SIRPG: variants seen among roughly 807,000 people sequenced by gnomAD.
The protein encoded by SIRPG is signal-regulatory protein gamma.
A neutral mutation model predicts 35.7 loss-of-function variants in SIRPG; 38 were observed. The observed-to-expected ratio is 1.06, with a 90% CI of 0.82 to 1.40. The LOEUF (loss-of-function observed/expected upper bound fraction) is 1.40, where lower values mean the gene tolerates loss of function less well. Among genes scored for constraint, SIRPG ranks in the 40% most tolerant of loss-of-function variants. SIRPG has a pLI of 0.00. For missense variants in SIRPG, 519 were observed against 483.0 expected (o/e 1.07, Z -0.70); for synonymous variants, 215 against 190.4 (o/e 1.13, Z -1.06).
intron 2 of SIRPG, among the ~76,000 whole-genome samples, chr20:1,644,222 C>T (rs1600213287): frequency 6.6e-6 from 1 of 152,204 alleles, no homozygotes; most frequent in Non-Finnish European, 1.5e-5. Context: ...CCCCTAGGGG[C>T]TCAGGCCCAG....
At position 1,649,361 on chromosome 20, in the gene SIRPG, G is replaced by A. The variant is rs1005532892; in HGVS notation, c.121C>T (p.Leu41=). Reference sequence around the variant, plus strand: ...GCTGTCTTTCCAACTGTGACCAACAGGAGCTTCTCAGGCTGAATCATCTGT... The same window carrying A: ...GCTGTCTTTCCAACTGTGACCAACAAGAGCTTCTCAGGCTGAATCATCTGT... ...ELQMIQPEKL[L]LVTVGKTATL... Residue 41 remains leucine, a synonymous_variant, in exon 2 of 6, where the codon CTG becomes TTG. Transcript: ENST00000303415. 1.2e-6 allele frequency: 2 copies of A among 1,613,686 alleles called. No homozygotes were observed. Among genetic ancestry groups the A allele is most frequent in the African/African-American group, 2.7e-5 (2 of 74,916 alleles).
chr20:1,632,048 G>T (rs973977554), intron 4 of SIRPG, among the ~76,000 whole-genome samples: 1 of 152,134 alleles, frequency 6.6e-6, no homozygotes, highest in Non-Finnish European at 1.5e-5. Flanking sequence ...GAATCACAGA[G>T]GAGGATGAAT....
intron 4 of SIRPG, among the ~76,000 whole-genome samples, chr20:1,634,836 G>A (rs1247551898): frequency 5.9e-5 from 9 of 151,830 alleles, no homozygotes; most frequent in Non-Finnish European, 1.0e-4. Context: ...GAGGTCAGGA[G>A]ATCGAGACCA....
chr20:1,674,831 C>A, the SIRPG span, among the ~76,000 whole-genome samples: 1 of 152,122 alleles, frequency 6.6e-6, no homozygotes, highest in Non-Finnish European at 1.5e-5. Context: ...AAATCCTATC[C>A]CCTCTCCTAA....
chr20:1,642,574 G>C (rs943967620), intron 2 of SIRPG, among the ~76,000 whole-genome samples: 19 of 152,218 alleles, frequency 1.2e-4, no homozygotes, highest in African/African-American at 4.3e-4. Flanking sequence ...TTACATTTAA[G>C]CTTAATATTG....
chr20:1,668,699 T>C, the SIRPG span, among the ~76,000 whole-genome samples: 2 of 152,204 alleles, frequency 1.3e-5, no homozygotes, highest in African/African-American at 4.8e-5. Context: ...ATATACCCAA[T>C]TTAGATGATA....
the SIRPG span, among the ~76,000 whole-genome samples, chr20:1,667,856 A>T: frequency 6.6e-6 from 1 of 152,196 alleles, no homozygotes; most frequent in Non-Finnish European, 1.5e-5. Flanking sequence ...GGAAGTCCCT[A>T]CTATAGATAG....
chr20:1,654,890 C>T (rs2091965641), intron 1 of SIRPG, among the ~76,000 whole-genome samples: 1 of 152,124 alleles, frequency 6.6e-6, no homozygotes, highest in South Asian at 2.1e-4. Flanking sequence ...AGACATTTCT[C>T]AGAAGAAGAC....
the SIRPG span, among the ~76,000 whole-genome samples, chr20:1,684,690 T>TAACATGGC: frequency 1.3e-5 from 2 of 152,200 alleles, no homozygotes; most frequent in African/African-American, 4.8e-5. Flanking sequence ...ACAAGTAGCA[T>TAACATGGC]AACATGGCTA....
At chr20:1,668,494 G>A in the SIRPG span, among the ~76,000 whole-genome samples, 2 of 151,978 alleles carry the variant, frequency 1.3e-5, no homozygotes, top group Non-Finnish European at 2.9e-5. Flanking sequence ...ATGTTGGCCA[G>A]GCTGGTCTCA....
At chr20:1,671,931 A>G in the SIRPG span, among the ~76,000 whole-genome samples, 1 of 152,184 alleles carries the variant, frequency 6.6e-6, no homozygotes, top group Non-Finnish European at 1.5e-5. Context: ...AGTGGGCATC[A>G]TGGCCATCAC....
intron 2 of SIRPG, chr20:1,646,071 A>G (rs2091895268): frequency 6.6e-6 from 1 of 152,208 alleles, no homozygotes; most frequent in African/African-American, 2.4e-5. Context: ...AGAAGAGGAA[A>G]CTGAGGCTGG....
the SIRPG span, among the ~76,000 whole-genome samples, chr20:1,672,209 G>T: frequency 6.6e-6 from 1 of 152,100 alleles, no homozygotes; most frequent in Non-Finnish European, 1.5e-5. Flanking sequence ...GGCCCTGTTT[G>T]CTTTGGATCA....
At chr20:1,630,010 C>T (rs2091735837) in intron 5 of SIRPG, among the ~76,000 whole-genome samples, 1 of 152,202 alleles carries the variant, frequency 6.6e-6, no homozygotes, top group Admixed American at 6.5e-5. Context: ...CTGTGGACAT[C>T]TTTGAACACA....
At chr20:1,686,113 T>C in the SIRPG span, among the ~76,000 whole-genome samples, 2 of 152,236 alleles carry the variant, frequency 1.3e-5, no homozygotes, top group African/African-American at 4.8e-5. Flanking sequence ...TAACTAATTA[T>C]GGTGCTGGTT....
At chr20:1,653,972 G>A (rs547293532) in intron 1 of SIRPG, among the ~76,000 whole-genome samples, 16 of 152,280 alleles carry the variant, frequency 1.1e-4, no homozygotes, top group African/African-American at 3.1e-4. Flanking sequence ...GGGCATGGTG[G>A]CTCATGCCTG....
At chr20:1,633,315 T>G (rs2091765976) in intron 4 of SIRPG, among the ~76,000 whole-genome samples, 6 of 152,196 alleles carry the variant, frequency 3.9e-5, no homozygotes, top group Admixed American at 1.3e-4. Flanking sequence ...TGCAAAGCAT[T>G]TAAATATGAA....
chr20:1,638,192 AG>A (rs796592589), intron 2 of SIRPG, among the ~76,000 whole-genome samples: 4 of 152,080 alleles, frequency 2.6e-5, no homozygotes, highest in African/African-American at 7.2e-5. Flanking sequence ...TATTGCCTTG[AG>A]GGGGTCCTCG....
the SIRPG span, among the ~76,000 whole-genome samples, chr20:1,668,219 C>CTTTTTCTTTTTCTTTTTCT: frequency 2.0e-5 from 1 of 50,926 alleles, no homozygotes; most frequent in Admixed American, 2.4e-4. Flanking sequence ...TTCTTTCTTT[C>CTTTTTCTTTTTCTTTTTCT]TTTCTTTCTT....
Sources: allele counts gnomAD v4.1 joint callset (sites outside exome capture counted in the v4.1 genomes callset), GRCh38; gene constraint gnomAD v4.1.1; transcripts MANE v1.5; gene names NCBI Gene and HGNC (gene_info 2026-07-23, HGNC 2026-07-21).